SULT6B1: variants seen among roughly 807,000 people sequenced by gnomAD.
SULT6B1 encodes the protein sulfotransferase 6B1.
In SULT6B1, 44 loss-of-function variants were observed where a neutral mutation model predicts 37.2. That is an observed-to-expected ratio of 1.18 (90% CI 0.93 to 1.52). The LOEUF (loss-of-function observed/expected upper bound fraction) is 1.52, where lower values mean the gene tolerates loss of function less well. Among genes scored for constraint, SULT6B1 ranks in the 40% most tolerant of loss-of-function variants. The pLI is 0.00. For synonymous variants in SULT6B1, 140 were observed against 126.0 expected (o/e 1.11, Z -0.74); for missense variants, 450 against 361.0 (o/e 1.25, Z -2.00).
chr2:37,178,417 G>A (rs1364687886), intron 4 of SULT6B1, among the ~76,000 whole-genome samples: 1 of 152,016 alleles, frequency 6.6e-6, no homozygotes, highest in Non-Finnish European at 1.5e-5. Context: ...TGTGTTTTTA[G>A]CAGAGACGGG....
At chr2:37,175,707 C>T (rs544902396) in intron 4 of SULT6B1, among the ~76,000 whole-genome samples, 91 of 152,198 alleles carry the variant, frequency 6.0e-4, no homozygotes, top group Non-Finnish European at 1.0e-3. Context: ...CCCAGTTTAT[C>T]AAAAATATTA....
Position 37,175,230 on chromosome 2 carries a change from A to C in SULT6B1, c.530-4T>G, listed in dbSNP as rs11569758. On this transcript the variant is annotated splice_polypyrimidine_tract_variant and splice_region_variant and intron_variant, in intron 4 of 6. Transcript: ENST00000535679. ...TCAAAATACCTTCCCCAAGAAACTA[A>C]AAACACAGGGGGGAAGACTTTAAGA... 6.4e-7 allele frequency: 1 copy of C among 1,552,248 alleles called. No individual in the cohort carries two copies. Among genetic ancestry groups the C allele is most frequent in the Non-Finnish European group, 8.8e-7 (1 of 1,141,568 alleles).
chr2:37,175,106 C>A, intron 5 of SULT6B1, 26 bp downstream of exon 5: 2 of 1,409,880 alleles, frequency 1.4e-6, no homozygotes, highest in Non-Finnish European at 1.9e-6. Context: ...ATAAATTTTG[C>A]TCTAAAATAT....
At chr2:37,190,349 T>C (rs143635704), upstream of SULT6B1, among the ~76,000 whole-genome samples, 13 of 152,360 alleles carry the variant, frequency 8.5e-5, no homozygotes, top group African/African-American at 2.9e-4. Flanking sequence ...TTAACCAATG[T>C]TAACCAGTGA....
intron 6 of SULT6B1, among the ~76,000 whole-genome samples, chr2:37,170,246 C>G (rs989048024): frequency 2.7e-5 from 4 of 150,294 alleles, no homozygotes; most frequent in African/African-American, 9.8e-5. Context: ...ATGGGTGGAT[C>G]ACCTGAGGTC....
intron 1 of SULT6B1, among the ~76,000 whole-genome samples, chr2:37,193,789 T>G (rs1392651564): frequency 6.6e-6 from 1 of 152,206 alleles, no homozygotes; most frequent in Admixed American, 6.5e-5. Context: ...TACAGAAGAC[T>G]GGGATTTTAG....
chr2:37,179,708 G>A, intron 3 of SULT6B1, 124 bp from the exon 4 acceptor site: 1 of 846,032 alleles, frequency 1.2e-6, no homozygotes, highest in South Asian at 2.0e-5. Context: ...TATAGAGAAA[G>A]AATGACAGTA....
chr2:37,173,018 A>T (rs780176716), intron 5 of SULT6B1, among the ~76,000 whole-genome samples: 3 of 150,822 alleles, frequency 2.0e-5, no homozygotes, highest in Non-Finnish European at 4.4e-5. Flanking sequence ...ACACCCAGCT[A>T]ATTTTTGTAT....
chr2:37,174,554 G>A (rs1676373489), intron 5 of SULT6B1, among the ~76,000 whole-genome samples: 1 of 151,956 alleles, frequency 6.6e-6, no homozygotes, highest in Non-Finnish European at 1.5e-5. Context: ...TGGCCCCCCA[G>A]CATTTTTAAT....
At position 37,187,404 on chromosome 2, in the gene SULT6B1, TTA is replaced by T; in HGVS notation, c.261_262del (p.Tyr87Ter). On this transcript the variant is annotated stop_gained and frameshift_variant, in exon 2 of 7. Coordinates refer to ENST00000535679, the MANE Select transcript of SULT6B1 (RefSeq NM_001367551.1). LOFTEE classifies it high-confidence loss of function. ...TTCAAGAACTGGGAATTCTGGATAT[TTA>T]TACTTTTTTTTAGAAACAGCATATA... 1 of 1,609,436 alleles carries T rather than the reference TTA, an allele frequency of 6.2e-7. No individual in the cohort carries two copies. The highest frequency in any genetic ancestry group is 8.5e-7 in the Non-Finnish European group (1 of 1,176,764).
At chr2:37,168,725 A>G (rs886990062) in intron 6 of SULT6B1, among the ~76,000 whole-genome samples, 2 of 152,212 alleles carry the variant, frequency 1.3e-5, no homozygotes, top group South Asian at 4.1e-4. Flanking sequence ...AGTTTTCGTT[A>G]AGACCTCAGA....
upstream of SULT6B1, among the ~76,000 whole-genome samples, chr2:37,193,644 A>AGAAGAAGAAGAAGAAGAAGAAGAG (rs1558454987): frequency 2.7e-5 from 4 of 148,910 alleles, no homozygotes; most frequent in Non-Finnish European, 5.9e-5. Context: ...AAGAAGAAGA[A>AGAAGAAGAAGAAGAAGAAGAAGAG]GAAGAAGGAG....
At chr2:37,173,204 C>T (rs370280865) in intron 5 of SULT6B1, among the ~76,000 whole-genome samples, 100 of 152,090 alleles carry the variant, frequency 6.6e-4, no homozygotes, top group African/African-American at 2.3e-3. Context: ...GTGTTAGAAA[C>T]CCAATTAAGT....
chr2:37,171,682 C>G (rs542821191), intron 5 of SULT6B1, 92 bp from the exon 6 acceptor site: 2 of 1,215,866 alleles, frequency 1.6e-6, no homozygotes, highest in East Asian at 2.5e-5. Context: ...GTTATTCAGC[C>G]TAACTCCCTA....
At chr2:37,171,187 C>A (rs371754332) in intron 6 of SULT6B1, among the ~76,000 whole-genome samples, 3 of 152,296 alleles carry the variant, frequency 2.0e-5, no homozygotes, top group African/African-American at 7.2e-5. Context: ...TTGCAGTGAG[C>A]TGAGATTGAG....
At chr2:37,171,612 G>C (rs1676305194) in intron 5 of SULT6B1, 22 bp from the exon 6 acceptor site, 1 of 1,607,142 alleles carries the variant, frequency 6.2e-7, no homozygotes, top group Admixed American at 1.7e-5. Flanking sequence ...TTTTCTTAAA[G>C]ATAAATTTCT....
chr2:37,169,818 AAAATTTAATCCC>A (rs1676257446), intron 6 of SULT6B1, among the ~76,000 whole-genome samples: 1 of 152,194 alleles, frequency 6.6e-6, no homozygotes, highest in Admixed American at 6.5e-5. Context: ...TTTTTACAAT[AAAATTTAATCCC>A]AACAAAATGT....
upstream of SULT6B1, chr2:37,188,690 T>A (rs369395413): frequency 2.9e-6 from 2 of 681,140 alleles, no homozygotes; most frequent in African/African-American, 3.6e-5. Context: ...GGGGGAGTGA[T>A]TGCTTTTAAT....
At chr2:37,173,081 G>A (rs572036430) in intron 5 of SULT6B1, among the ~76,000 whole-genome samples, 1 of 151,388 alleles carries the variant, frequency 6.6e-6, no homozygotes, top group African/African-American at 2.4e-5. Flanking sequence ...TCGAACTCCC[G>A]ACCTCAGGTG....
Sources: gnomAD v4.1 joint callset for allele counts (sites outside exome capture counted in the v4.1 genomes callset) on GRCh38, gnomAD v4.1.1 for gene constraint, MANE v1.5 for transcripts, NCBI Gene and HGNC (gene_info 2026-07-23, HGNC 2026-07-21) for gene names.